Variants in INVS observed in about 807,000 individuals in gnomAD.
INVS encodes the protein inversin, also known as inversion of embryo turning homolog.
INVS carries 86 observed loss-of-function variants against 108.8 expected under a neutral mutation model. The observed-to-expected ratio is 0.79, with a 90% CI of 0.66 to 0.95. The LOEUF is 0.95. Ranked by LOEUF, INVS falls within the 40% of genes least tolerant of loss-of-function variation. The probability of loss-of-function intolerance (pLI) is 0.00; values close to 1 mark genes in which losing one functional copy is unlikely to be tolerated. For synonymous variants in INVS, 455 were observed against 473.5 expected, an observed-to-expected ratio of 0.96 and a Z score of 0.51; for missense variants, 1,169 against 1,297.4, an observed-to-expected ratio of 0.90 and a Z score of 1.52.
intron 3 of INVS, among the ~76,000 whole-genome samples, chr9:100,198,533 C>T (rs1405823246): frequency 3.3e-5 from 5 of 150,828 alleles, no homozygotes; most frequent in African/African-American, 4.9e-5. Context: ...TCAGGTGATC[C>T]GCCCTCCTCA....
intron 2 of INVS, among the ~76,000 whole-genome samples, chr9:100,119,566 C>T (rs1451529150): frequency 6.6e-6 from 1 of 151,944 alleles, no homozygotes; most frequent in Non-Finnish European, 1.5e-5. Context: ...TGGCAGAATT[C>T]TTTTTTTTGA....
intron 12 of INVS, among the ~76,000 whole-genome samples, chr9:100,280,689 CT>C: frequency 6.6e-6 from 1 of 152,074 alleles, no homozygotes; most frequent in South Asian, 2.1e-4. Flanking sequence ...CATAGCACAC[CT>C]TAATGATTAA....
At chr9:100,234,518 C>G (rs1288046981) in intron 5 of INVS, among the ~76,000 whole-genome samples, 1 of 152,134 alleles carries the variant, frequency 6.6e-6, no homozygotes, top group East Asian at 1.9e-4. Flanking sequence ...GTAAATTTCC[C>G]TCTAACCACT....
intron 3 of INVS, among the ~76,000 whole-genome samples, chr9:100,206,907 A>C (rs547851082): frequency 1.2e-4 from 19 of 152,230 alleles, no homozygotes; most frequent in South Asian, 6.2e-4. Flanking sequence ...CTTCCTTTTT[A>C]ATTTGTCTGA....
intron 13 of INVS, among the ~76,000 whole-genome samples, chr9:100,286,473 G>A (rs566413732): frequency 1.8e-4 from 28 of 152,210 alleles, no homozygotes; most frequent in Admixed American, 3.9e-4. Context: ...CTTGAGAGGC[G>A]GAAGTTGCAG....
intron 5 of INVS, among the ~76,000 whole-genome samples, chr9:100,230,709 G>A (rs936354935): frequency 3.3e-5 from 5 of 151,952 alleles, no homozygotes; most frequent in East Asian, 1.9e-4. Flanking sequence ...AGTAGAGACC[G>A]GGTTTCACCA....
chr9:100,211,140 T>C (rs1394029112), intron 3 of INVS, among the ~76,000 whole-genome samples: 1 of 151,920 alleles, frequency 6.6e-6, no homozygotes, highest in Non-Finnish European at 1.5e-5. Flanking sequence ...CTTCTTTTGC[T>C]AGAGTTTAAG....
intron 3 of INVS, among the ~76,000 whole-genome samples, chr9:100,168,452 G>A (rs559403584): frequency 1.3e-5 from 2 of 152,306 alleles, no homozygotes; most frequent in South Asian, 4.1e-4. Context: ...CAGATAAAGT[G>A]CTGTCTAATT....
chr9:100,170,717 G>A (rs1829510962), intron 3 of INVS, among the ~76,000 whole-genome samples: 1 of 152,102 alleles, frequency 6.6e-6, no homozygotes, highest in South Asian at 2.1e-4. Context: ...TGTTGCTCTT[G>A]AGGTTAGATG....
chr9:100,134,646 G>C (rs1246854318), intron 3 of INVS, among the ~76,000 whole-genome samples: 2 of 152,132 alleles, frequency 1.3e-5, no homozygotes, highest in African/African-American at 2.4e-5. Flanking sequence ...TCTTACAGGA[G>C]TAAGGTGGTA....
At chr9:100,216,388 C>T (rs1830988597) in intron 3 of INVS, among the ~76,000 whole-genome samples, 1 of 152,178 alleles carries the variant, frequency 6.6e-6, no homozygotes, top group Non-Finnish European at 1.5e-5. Context: ...CTACTGGACA[C>T]CATCGGGTTT....
chr9:100,111,800 G>A (rs1273486147), intron 2 of INVS, among the ~76,000 whole-genome samples: 2 of 152,158 alleles, frequency 1.3e-5, no homozygotes, highest in African/African-American at 4.8e-5. Context: ...AAGGAAGAGA[G>A]TAGGGTGGAT....
At chr9:100,167,391 T>C (rs181220249) in intron 3 of INVS, among the ~76,000 whole-genome samples, 2 of 152,310 alleles carry the variant, frequency 1.3e-5, no homozygotes, top group African/African-American at 4.8e-5. Flanking sequence ...GCTGTTCCTC[T>C]AGTAGGTGAG....
At chr9:100,223,096 T>C (rs2118382328) in intron 3 of INVS, among the ~76,000 whole-genome samples, 1 of 151,942 alleles carries the variant, frequency 6.6e-6, no homozygotes. Flanking sequence ...TATTTATTTA[T>C]TTTTAATTTT....
chr9:100,116,311 G>T (rs1827525201), intron 2 of INVS, among the ~76,000 whole-genome samples: 1 of 151,934 alleles, frequency 6.6e-6, no homozygotes, highest in South Asian at 2.1e-4. Flanking sequence ...GTTTTGCCAT[G>T]TTGCCTAGGC....
At chr9:100,258,663 T>TG (rs1242872698) in intron 10 of INVS, among the ~76,000 whole-genome samples, 3 of 152,194 alleles carry the variant, frequency 2.0e-5, no homozygotes, top group Non-Finnish European at 4.4e-5. Context: ...GCAGGTCTGT[T>TG]GGAGTTTGCT....
chr9:100,117,654 G>T, intron 2 of INVS: 1 of 585,788 alleles, frequency 1.7e-6, no homozygotes, highest in Non-Finnish European at 3.0e-6. Context: ...TCAGCCATTT[G>T]GTGTTTTCTC....
chr9:100,100,080 A>G (rs1564110680), intron 1 of INVS, among the ~76,000 whole-genome samples: 1 of 152,192 alleles, frequency 6.6e-6, no homozygotes, highest in African/African-American at 2.4e-5. Flanking sequence ...TTGTACGGTT[A>G]TAATTATTAG....
At chr9:100,213,098 T>C (rs1225187561) in intron 3 of INVS, among the ~76,000 whole-genome samples, 2 of 150,534 alleles carry the variant, frequency 1.3e-5, no homozygotes, top group African/African-American at 4.9e-5. Flanking sequence ...TTTTTAGGGG[T>C]ACTAATCCCA....
Sources: gnomAD v4.1 joint callset for allele counts (sites outside exome capture counted in the v4.1 genomes callset) on GRCh38, gnomAD v4.1.1 for gene constraint, MANE v1.5 for transcripts, NCBI Gene and HGNC (gene_info 2026-07-23, HGNC 2026-07-21) for gene names.